The following MARVELD2 variants were observed in gnomAD, a reference collection of about 807,000 sequenced individuals.
The protein encoded by MARVELD2 is MARVEL domain containing 2, also known as MARVEL domain-containing protein 2.
In MARVELD2, 49 loss-of-function variants were observed where a neutral mutation model predicts 57.6. That is an observed-to-expected ratio of 0.85 (90% CI 0.68 to 1.08). The LOEUF is 1.08. Among genes scored for constraint, MARVELD2 ranks in the 50% least tolerant of loss-of-function variants. MARVELD2 has a pLI of 0.00. For missense variants in MARVELD2, 606 were observed against 701.1 expected, an observed-to-expected ratio of 0.86 and a Z score of 1.53; for synonymous variants, 238 against 258.8, an observed-to-expected ratio of 0.92 and a Z score of 0.77.
chr5:69,435,752 CAAA>C (rs35281029), intron 5 of MARVELD2, among the ~76,000 whole-genome samples: 10 of 64,784 alleles, frequency 1.5e-4, no homozygotes, highest in Admixed American at 2.2e-4. Flanking sequence ...GACCCTGTCT[CAAA>C]AAAAAAAAAA....
Position 69,440,496 on chromosome 5 carries a change from A to AG in MARVELD2, c.1551dup (p.Asn518GlufsTer2). 1 of 1,430,868 alleles carries AG rather than the reference A, an allele frequency of 7.0e-7. No individual in the cohort carries two copies. The highest frequency in any genetic ancestry group is 9.8e-7 in the Non-Finnish European group (1 of 1,017,254). 88.6% of individuals were successfully genotyped at this position (1,430,868 alleles called of 1,614,324 possible). A position where few individuals can be genotyped will look rare whatever the true frequency, so the allele number is the denominator to read the frequency against. On this transcript the variant is annotated frameshift_variant, in exon 6 of 7. Coordinates refer to ENST00000325631, the MANE Select transcript of MARVELD2 (RefSeq NM_001038603.3). LOFTEE classifies it high-confidence loss of function. Reference sequence around the variant, plus strand: ...ATCCATGAAGAGTTTAAGAAAAAAAAGAATGTGAGTAAAACAGTTTTCTTC... The same window carrying AG: ...ATCCATGAAGAGTTTAAGAAAAAAAAGGAATGTGAGTAAAACAGTTTTCTTC...
chr5:69,438,049 C>A, intron 5 of MARVELD2, among the ~76,000 whole-genome samples: 1 of 152,168 alleles, frequency 6.6e-6, no homozygotes, highest in East Asian at 1.9e-4. Flanking sequence ...TTGTCCTGGG[C>A]AGGAGTCCAC....
Position 69,420,537 on chromosome 5 carries a change from T to G in MARVELD2, c.1146+6T>G, listed in dbSNP as rs1454710267. The G allele has an allele frequency of 6.2e-7, 1 of 1,607,724 alleles. No homozygotes were observed. Among genetic ancestry groups the G allele is most frequent in the African/African-American group, 1.3e-5 (1 of 74,926 alleles). On this transcript the variant is annotated splice_donor_region_variant and intron_variant, in intron 2 of 6. Coordinates refer to ENST00000325631, the MANE Select transcript of MARVELD2 (RefSeq NM_001038603.3). ...AATATATGGAACAACAGGAGGTAAG[T>G]GATTTCATAATCCCTCATTTGTGTG...
chr5:69,418,426 G>A (rs1162628952), intron 1 of MARVELD2, among the ~76,000 whole-genome samples: 3 of 152,302 alleles, frequency 2.0e-5, no homozygotes, highest in African/African-American at 7.2e-5. Context: ...TTATTTTTGA[G>A]GTGGATTGAA....
At position 69,432,656 on chromosome 5, in the gene MARVELD2, G is replaced by C. The variant is rs149971714; in HGVS notation, c.1312G>C (p.Val438Leu). 6.2e-6 allele frequency: 10 copies of C among 1,614,038 alleles called. No individual in the cohort carries two copies. The highest frequency in any genetic ancestry group is 5.0e-5 in the Admixed American group (3 of 60,000). Reference protein sequence around the residue: ...IPPGHIPKPIVMPDYVAKYPV... With the variant: ...IPPGHIPKPILMPDYVAKYPV... Reference sequence around the variant, plus strand: ...CCCAGGCCACATTCCTAAACCTATCGTGATGCCCGACTATGTGGCGTGAGT... The same window carrying C: ...CCCAGGCCACATTCCTAAACCTATCCTGATGCCCGACTATGTGGCGTGAGT... Residue 438 changes from valine to leucine, a missense_variant, in exon 4 of 7, where the codon GTG (valine) becomes CTG (leucine). Val to Leu is a conservative substitution (Grantham distance 32). Transcript: ENST00000325631.
At position 69,415,162 on chromosome 5, in the gene MARVELD2, G is replaced by C. The variant is rs1182659514; in HGVS notation, c.-24G>C. On this transcript the variant is annotated 5_prime_UTR_variant, in exon 1 of 7. Transcript: ENST00000325631. ...GGCAGCGTGCGCGCTCTTCCTGGCG[G>C]CTGCGCAGGTAAGTGGGACCGGGGT... The C allele has an allele frequency of 6.6e-6, 1 of 152,330 alleles. No individual in the cohort carries two copies. The highest frequency in any genetic ancestry group is 1.9e-4 in the East Asian group (1 of 5,204). 9.4% of individuals were successfully genotyped at this position (152,330 alleles called of 1,614,324 possible). A position where few individuals can be genotyped will look rare whatever the true frequency, so the allele number is the denominator to read the frequency against.
Position 69,443,888 on chromosome 5 carries a change from G to A in MARVELD2, c.*2234G>A, listed in dbSNP as rs1473338478. The A allele has an allele frequency of 3.3e-5, 5 of 151,604 alleles. No homozygotes were observed. Among genetic ancestry groups the A allele is most frequent in the Non-Finnish European group, 7.4e-5 (5 of 67,950 alleles). 9.4% of individuals were successfully genotyped at this position (151,604 alleles called of 1,614,324 possible). A position where few individuals can be genotyped will look rare whatever the true frequency, so the allele number is the denominator to read the frequency against. On this transcript the variant is annotated 3_prime_UTR_variant, in exon 7 of 7. Coordinates refer to ENST00000325631, the MANE Select transcript of MARVELD2 (RefSeq NM_001038603.3). ...CTTTGTAGGCTGTGCTGTGTCTGAA[G>A]GGGTAACACCTAGGGAAACATGAGG...
At chr5:69,424,556 G>C (rs1414825549) in intron 2 of MARVELD2, 45 bp from the exon 3 acceptor site, 3 of 1,531,656 alleles carry the variant, frequency 2.0e-6, no homozygotes, top group Admixed American at 1.7e-5. Flanking sequence ...TTGCAAAGTA[G>C]CTTCACATGC....
intron 3 of MARVELD2, among the ~76,000 whole-genome samples, chr5:69,427,263 G>A (rs139672885): frequency 2.6e-5 from 4 of 152,316 alleles, no homozygotes; most frequent in African/African-American, 9.6e-5. Context: ...GGAATCTAAT[G>A]TGGGCATGGA....
intron 6 of MARVELD2, 80 bp from the exon 7 acceptor site, chr5:69,441,446 GATCATT>G (rs1561305318): frequency 2.0e-5 from 30 of 1,507,696 alleles, no homozygotes; most frequent in Non-Finnish European, 2.7e-5. Context: ...TGCTATGTAT[GATCATT>G]TCCTGGGTGA....
intron 3 of MARVELD2, among the ~76,000 whole-genome samples, chr5:69,427,159 A>C (rs1345235021): frequency 6.6e-6 from 1 of 152,216 alleles, no homozygotes; most frequent in Non-Finnish European, 1.5e-5. Flanking sequence ...CTTTTAAAAG[A>C]AATAATAGAT....
intron 5 of MARVELD2, among the ~76,000 whole-genome samples, chr5:69,437,879 A>G (rs1166668288): frequency 6.6e-6 from 1 of 152,316 alleles, no homozygotes; most frequent in South Asian, 2.1e-4. Context: ...CACAATATCA[A>G]CAACAGCCAT....
intron 3 of MARVELD2, 74 bp downstream of exon 3, chr5:69,424,710 A>T: frequency 8.5e-6 from 10 of 1,172,200 alleles, no homozygotes; most frequent in Non-Finnish European, 1.3e-5. Flanking sequence ...TTATCTACAT[A>T]GTAGTATCGT....
intron 3 of MARVELD2, 128 bp downstream of exon 3, chr5:69,424,764 C>T (rs186328703): frequency 2.2e-4 from 164 of 749,946 alleles, no homozygotes; most frequent in Admixed American, 5.0e-4. Context: ...GTGGCTCACA[C>T]CTGTAATCCC....
rs200014615 is a variant in MARVELD2 at position 69,432,650 on chromosome 5, C to A, written c.1306C>A (p.Pro436Thr). 1.9e-5 allele frequency: 30 copies of A among 1,613,986 alleles called. No individual in the cohort carries two copies. The highest frequency in any genetic ancestry group is 2.4e-5 in the Non-Finnish European group (28 of 1,180,014). ...GHIPPGHIPKPIVMPDYVAKY... is the reference protein window; with the variant it reads ...GHIPPGHIPKTIVMPDYVAKY... ...CATCCCCCCAGGCCACATTCCTAAA[C>A]CTATCGTGATGCCCGACTATGTGGC... Residue 436 changes from proline (P) to threonine (T), a missense_variant, in exon 4 of 7, where the codon CCT (proline) becomes ACT (threonine). By Grantham distance (38) the Pro-to-Thr change is conservative. Transcript: ENST00000325631.
chr5:69,439,844 G>A (rs943158488), intron 5 of MARVELD2, among the ~76,000 whole-genome samples: 1 of 152,048 alleles, frequency 6.6e-6, no homozygotes, highest in African/African-American at 2.4e-5. Flanking sequence ...TTGCATGGAT[G>A]AACGAGGGCA....
At chr5:69,426,219 G>A (rs192110521) in intron 3 of MARVELD2, among the ~76,000 whole-genome samples, 43 of 151,382 alleles carry the variant, frequency 2.8e-4, no homozygotes, top group African/African-American at 9.9e-4. Context: ...AGGACTCAGT[G>A]AGATGCTGTT....
Position 69,428,634 on chromosome 5 carries a change from G to GT in MARVELD2, c.1183-3892dup, listed in dbSNP as rs1205755932. The stretch of plus-strand genomic sequence containing the variant: ...AAGTCTTACAATTAGGGATGGGCAA[G>GT]TAAGAAAAATGATTAGTTCTTCCTT... On this transcript the variant is annotated intron_variant, in intron 3 of 6. Coordinates refer to ENST00000325631, the MANE Select transcript of MARVELD2 (RefSeq NM_001038603.3). 3.0e-3 allele frequency among the ~76,000 whole-genome samples: 116 copies of GT among 39,244 alleles called. 16 individuals are homozygous for GT. Among genetic ancestry groups the GT allele is most frequent in the African/African-American group, 6.7e-3 (79 of 11,780 alleles). 25.7% of individuals were successfully genotyped at this position (39,244 alleles called of 152,430 possible). A position where few individuals can be genotyped will look rare whatever the true frequency, so the allele number is the denominator to read the frequency against.
Position 69,424,982 on chromosome 5 carries a change from G to A in MARVELD2, c.1182+346G>A, listed in dbSNP as rs138104594. On this transcript the variant is annotated intron_variant, in intron 3 of 6. Transcript: ENST00000325631. ...GAAGGTTTCAGTGAGCCAAGATCAC[G>A]TCACTGCACTCCAGCCTGGGTGACA... is the stretch of plus-strand genomic sequence containing the variant. 6.7e-4 allele frequency among the ~76,000 whole-genome samples: 102 copies of A among 151,376 alleles called. No individual in the cohort carries two copies. In the East Asian group the frequency reaches 0.012, roughly 18 times the overall value.
Sources: gnomAD v4.1 joint callset for allele counts (sites outside exome capture counted in the v4.1 genomes callset) on GRCh38, gnomAD v4.1.1 for gene constraint, MANE v1.5 for transcripts, NCBI Gene and HGNC (gene_info 2026-07-23, HGNC 2026-07-21) for gene names.